Variants in TADA2B observed in about 807,000 individuals in gnomAD.
The protein encoded by TADA2B is transcriptional adaptor 2B, also known as transcriptional adapter 2-beta.
In TADA2B, 13 loss-of-function variants were observed where a neutral mutation model predicts 34.5. That is an observed-to-expected ratio of 0.38 (90% CI 0.25 to 0.60). TADA2B has a LOEUF of 0.60. TADA2B is among the 20% of genes least tolerant of loss of function. The pLI is 0.65. For synonymous variants in TADA2B, 240 were observed against 243.4 expected (o/e 0.99, Z 0.13); for missense variants, 442 against 575.0 (o/e 0.77, Z 2.37).
In TADA2B at chr4:7,057,808, CTT is replaced by C. The variant is rs1436300333; in HGVS notation, c.*2756_*2757del. 1.3e-5 allele frequency: 2 copies of C among 152,008 alleles called. No individual in the cohort carries two copies. Among genetic ancestry groups the C allele is most frequent in the Non-Finnish European group, 1.5e-5 (1 of 68,010 alleles). 9.4% of individuals were successfully genotyped at this position (152,008 alleles called of 1,614,324 possible). ...CTCAAAAAAAATCTAAGCAAACTAT[CTT>C]TGAGTCAAAAAAAGTTGGATAACTC... On this transcript the variant is annotated 3_prime_UTR_variant, in exon 2 of 2. Transcript: ENST00000310074.
intron 1 of TADA2B, among the ~76,000 whole-genome samples, chr4:7,044,112 A>G (rs1380600218): frequency 2.0e-5 from 3 of 152,226 alleles, no homozygotes; most frequent in African/African-American, 7.2e-5. Context: ...CAGCAGAGCC[A>G]TTTCCCTCAC....
At chr4:7,050,150 G>A (rs1018201006) in intron 1 of TADA2B, among the ~76,000 whole-genome samples, 10 of 152,264 alleles carry the variant, frequency 6.6e-5, no homozygotes, top group Non-Finnish European at 1.2e-4. Flanking sequence ...AAATGCACGC[G>A]TGGGCTCGGC....
rs1723847765 is a variant in TADA2B at position 7,054,666 on chromosome 4, A to G, written c.875A>G (p.Gln292Arg). The change falls in exon 2 of 2, where the codon CAG (glutamine) becomes CGG (arginine). Residue 292 changes from glutamine (Q) to arginine (R), a missense_variant. Gln to Arg is a conservative substitution (Grantham distance 43, BLOSUM62 1). Around this residue, in one of 4 missense-constraint regions of TADA2B, gnomAD observed 222 missense variants for 235.2 expected, o/e 0.94. Transcript: ENST00000310074. ...KMLRAKIRELQRYRRNGITKM... is the reference protein window; with the variant it reads ...KMLRAKIRELRRYRRNGITKM... ...CTCCGGGCCAAGATCCGAGAACTGC[A>G]GCGGTACCGGCGAAACGGGATCACC... 1 of 1,613,850 alleles carries G rather than the reference A, an allele frequency of 6.2e-7. No homozygotes were observed. The highest frequency in any genetic ancestry group is 1.3e-5 in the African/African-American group (1 of 74,932).
intron 1 of TADA2B, among the ~76,000 whole-genome samples, chr4:7,050,109 A>C (rs75156856): frequency 2.6e-5 from 4 of 152,236 alleles, no homozygotes; most frequent in Non-Finnish European, 1.5e-5. Context: ...GGCAGGTGAC[A>C]TGTCAGGGCT....
intron 1 of TADA2B, among the ~76,000 whole-genome samples, chr4:7,048,286 G>C (rs761185335): frequency 2.6e-5 from 4 of 152,146 alleles, no homozygotes; most frequent in Non-Finnish European, 4.4e-5. Flanking sequence ...ATGGCGGGAG[G>C]GGGAGGGAGA....
intron 1 of TADA2B, among the ~76,000 whole-genome samples, chr4:7,048,580 G>T (rs1308006321): frequency 6.6e-6 from 1 of 152,060 alleles, no homozygotes; most frequent in Admixed American, 6.5e-5. Context: ...TTTTATTGTG[G>T]TACAATACGT....
At chr4:7,053,900 G>A (rs1313454489) in intron 1 of TADA2B, 162 bp from the exon 2 acceptor site, 1 of 726,646 alleles carries the variant, frequency 1.4e-6, no homozygotes, top group African/African-American at 1.8e-5. Flanking sequence ...CCTGAGCCCA[G>A]CTCATAAGAC....
chr4:7,057,620 C>T lies in TADA2B; in HGVS notation c.*2566C>T, dbSNP rs956547340. The T allele has an allele frequency of 2.0e-5, 3 of 152,186 alleles. No homozygotes were observed. The highest frequency in any genetic ancestry group is 7.2e-5 in the African/African-American group (3 of 41,440). 9.4% of individuals were successfully genotyped at this position (152,186 alleles called of 1,614,324 possible). A position where few individuals can be genotyped will look rare whatever the true frequency, so the allele number is the denominator to read the frequency against. On this transcript the variant is annotated 3_prime_UTR_variant, in exon 2 of 2. Transcript: ENST00000310074. Reference sequence around the variant, plus strand: ...TGGCCAACATGGTGAAACCCTGTCTCTACTAAAAATACAAAAATTAGCTGG... The same window carrying T: ...TGGCCAACATGGTGAAACCCTGTCTTTACTAAAAATACAAAAATTAGCTGG...
rs537152099 is a variant in TADA2B at position 7,056,943 on chromosome 4, T to G, written c.*1889T>G. The G allele has an allele frequency of 2.6e-5, 4 of 152,350 alleles. No homozygotes were observed. The highest frequency in any genetic ancestry group is 2.1e-4 in the South Asian group (1 of 4,826). 9.4% of individuals were successfully genotyped at this position (152,350 alleles called of 1,614,324 possible). ...GCAGACGCGCAGGCCCCACCTGGCC[T>G]CCTGAATCAAAATGGTGTGCGGCAG... is the stretch of plus-strand genomic sequence containing the variant. On this transcript the variant is annotated 3_prime_UTR_variant, in exon 2 of 2. Coordinates refer to ENST00000310074, the MANE Select transcript of TADA2B (RefSeq NM_152293.3).
Position 7,043,699 on chromosome 4 carries a change from C to G in TADA2B, c.120C>G (p.Ala40=), listed in dbSNP as rs1335393469. Residue 40 remains alanine (A), a synonymous_variant, in exon 1 of 2, where the codon GCC becomes GCG. Transcript: ENST00000310074. The part of the protein sequence containing the change: ...ELCPECFSAG[A]EIGHHRRYHG... ...GCCCCGAGTGCTTCTCGGCCGGCGC[C>G]GAGATCGGCCACCACCGCCGCTACC... is the stretch of plus-strand genomic sequence containing the variant. 2.5e-6 allele frequency: 4 copies of G among 1,586,944 alleles called. No individual in the cohort carries two copies. The highest frequency in any genetic ancestry group is 2.6e-6 in the Non-Finnish European group (3 of 1,171,320).
chr4:7,054,310 C>A lies in TADA2B; in HGVS notation c.519C>A (p.Tyr173Ter). 1 of 1,613,402 alleles carries A rather than the reference C, an allele frequency of 6.2e-7. No homozygotes were observed. The highest frequency in any genetic ancestry group is 8.5e-7 in the Non-Finnish European group (1 of 1,179,890). The change falls in exon 2 of 2, where the codon TAC becomes TAA. Residue 173 changes from tyrosine (Y) to a stop codon, truncating the protein, a stop_gained. Transcript: ENST00000310074. LOFTEE classifies it high-confidence loss of function. Reference sequence around the variant, plus strand: ...GCTACATGCCGCTGCGGGATGATTACGAGATCGAGTATGACCAGGATGCCG... The same window carrying A: ...GCTACATGCCGCTGCGGGATGATTAAGAGATCGAGTATGACCAGGATGCCG... Reference protein sequence around the residue: ...QLGYMPLRDDYEIEYDQDAET... With the variant: ...QLGYMPLRDD
chr4:7,046,137 G>C (rs1413087970), intron 1 of TADA2B: 3 of 152,168 alleles, frequency 2.0e-5, no homozygotes, highest in Non-Finnish European at 4.4e-5. Flanking sequence ...CAGGACTCAG[G>C]GGGTGCACTG....
intron 1 of TADA2B, among the ~76,000 whole-genome samples, chr4:7,051,479 T>C (rs1182196819): frequency 6.6e-6 from 1 of 152,080 alleles, no homozygotes; most frequent in African/African-American, 2.4e-5. Context: ...CGAGGCACAC[T>C]AAGGAGTCCA....
chr4:7,043,491 C>G lies in TADA2B; in HGVS notation c.-89C>G, dbSNP rs1471586532. 29 of 824,598 alleles carry G rather than the reference C, an allele frequency of 3.5e-5. No individual in the cohort carries two copies. Among genetic ancestry groups the G allele is most frequent in the Non-Finnish European group, 4.1e-5 (28 of 690,158 alleles). The allele number at this position is 824,598 out of a possible 1,614,324, so 51.1% of individuals were successfully genotyped here. A position where few individuals can be genotyped will look rare whatever the true frequency, so the allele number is the denominator to read the frequency against. On this transcript the variant is annotated 5_prime_UTR_variant, in exon 1 of 2. Coordinates refer to ENST00000310074, the MANE Select transcript of TADA2B (RefSeq NM_152293.3). ...GGCGGCGGTTGCTCGTGCGCGGCGG[C>G]GGCGGCGGGTCCCGCGGGCGGCGGG... is the stretch of plus-strand genomic sequence containing the variant.
chr4:7,053,557 CCTGCA>C (rs1305090507), intron 1 of TADA2B: 2 of 154,240 alleles, frequency 1.3e-5, no homozygotes, highest in Non-Finnish European at 2.9e-5. Flanking sequence ...TGGGTCCCCT[CCTGCA>C]GTGCCGTGGA....
Position 7,056,446 on chromosome 4 carries a change from T to C in TADA2B, c.*1392T>C, listed in dbSNP as rs1291960041. Reference sequence around the variant, plus strand: ...AGGTTGACTTGCCTCTCGGGCCCCGTAGGTACCAAGAGACTGTTTACCTCC... The same window carrying C: ...AGGTTGACTTGCCTCTCGGGCCCCGCAGGTACCAAGAGACTGTTTACCTCC... On this transcript the variant is annotated 3_prime_UTR_variant, in exon 2 of 2. Coordinates refer to ENST00000310074, the MANE Select transcript of TADA2B (RefSeq NM_152293.3). The C allele has an allele frequency of 6.6e-6, 1 of 152,606 alleles. No individual in the cohort carries two copies. The highest frequency in any genetic ancestry group is 6.5e-5 in the Admixed American group (1 of 15,282). 9.5% of individuals were successfully genotyped at this position (152,606 alleles called of 1,614,324 possible).
chr4:7,043,540 G>A lies in TADA2B; in HGVS notation c.-40G>A. On this transcript the variant is annotated 5_prime_UTR_variant, in exon 1 of 2. Transcript: ENST00000310074. Reference sequence around the variant, plus strand: ...GGGCGCTGACGGCCGGGGGCGCGGCGGCTGCGGCGGGCCGGGCGGCGGGCG... The same window carrying A: ...GGGCGCTGACGGCCGGGGGCGCGGCAGCTGCGGCGGGCCGGGCGGCGGGCG... The A allele has an allele frequency of 8.6e-7, 1 of 1,157,760 alleles. No individual in the cohort carries two copies. Among genetic ancestry groups the A allele is most frequent in the Non-Finnish European group, 1.1e-6 (1 of 938,148 alleles). The allele number at this position is 1,157,760 out of a possible 1,614,324, so 71.7% of individuals were successfully genotyped here.
intron 1 of TADA2B, chr4:7,046,130 G>A (rs903745212): frequency 2.0e-5 from 3 of 152,230 alleles, no homozygotes; most frequent in African/African-American, 7.2e-5. Context: ...TTGCAACCAG[G>A]ACTCAGGGGG....
chr4:7,043,520 C>G lies in TADA2B; in HGVS notation c.-60C>G, dbSNP rs1488568643. On this transcript the variant is annotated 5_prime_UTR_variant, in exon 1 of 2. Coordinates refer to ENST00000310074, the MANE Select transcript of TADA2B (RefSeq NM_152293.3). The stretch of plus-strand genomic sequence containing the variant: ...GGCGGGTCCCGCGGGCGGCGGGGCG[C>G]TGACGGCCGGGGGCGCGGCGGCTGC... The G allele has an allele frequency of 4.1e-6, 4 of 984,226 alleles. No individual in the cohort carries two copies. In the African/African-American group the frequency reaches 7.4e-5, roughly 18 times the overall value. 61.0% of individuals were successfully genotyped at this position (984,226 alleles called of 1,614,324 possible). A position where few individuals can be genotyped will look rare whatever the true frequency, so the allele number is the denominator to read the frequency against.
Sources: gnomAD v4.1 joint callset for allele counts (sites outside exome capture counted in the v4.1 genomes callset) on GRCh38, gnomAD v4.1.1 for gene constraint, gnomAD v4.1.1 regional missense constraint, MANE v1.5 for transcripts, NCBI Gene and HGNC (gene_info 2026-07-23, HGNC 2026-07-21) for gene names.